Variants in LAMA3 observed in about 807,000 individuals in gnomAD.
The protein encoded by LAMA3 is laminin subunit alpha-3.
A neutral mutation model predicts 402.0 loss-of-function variants in LAMA3; 281 were observed. That is an observed-to-expected ratio of 0.70 (90% CI 0.63 to 0.77). The LOEUF (loss-of-function observed/expected upper bound fraction) is 0.77. Among genes scored for constraint, LAMA3 ranks in the 30% least tolerant of loss-of-function variants. The probability of loss-of-function intolerance (pLI) is 0.00; values close to 1 mark genes in which losing one functional copy is unlikely to be tolerated. For synonymous variants in LAMA3, 1,431 were observed against 1,558.4 expected (o/e 0.92, Z 1.93); for missense variants, 3,840 against 4,215.5 (o/e 0.91, Z 2.47).
chr18:23,920,009 G>A (rs1348163720), intron 60 of LAMA3, among the ~76,000 whole-genome samples: 1 of 152,098 alleles, frequency 6.6e-6, no homozygotes, highest in Non-Finnish European at 1.5e-5. Flanking sequence ...GGATGGGAGA[G>A]AAGGAAGGAT....
intron 14 of LAMA3, 94 bp from the exon 15 acceptor site, chr18:23,814,309 A>C (rs903774656): frequency 1.0e-6 from 1 of 974,490 alleles, no homozygotes; most frequent in Non-Finnish European, 1.7e-6. Context: ...TCATGACCAA[A>C]ATATGTTTCT....
intron 1 of LAMA3, among the ~76,000 whole-genome samples, chr18:23,695,628 C>A (rs1013762876): frequency 6.6e-6 from 1 of 151,252 alleles, no homozygotes; most frequent in Admixed American, 6.6e-5. Context: ...TTAAAACCAG[C>A]CTGGCCAAAT....
chr18:23,877,941 C>T (rs984974159), intron 39 of LAMA3, among the ~76,000 whole-genome samples: 35 of 151,936 alleles, frequency 2.3e-4, no homozygotes, highest in African/African-American at 8.0e-4. Context: ...GAAACCCTGT[C>T]TCTACTAAAA....
At chr18:23,712,558 C>A (rs1040451992) in intron 1 of LAMA3, among the ~76,000 whole-genome samples, 2 of 150,396 alleles carry the variant, frequency 1.3e-5, no homozygotes, top group African/African-American at 4.9e-5. Context: ...CATATGGCCT[C>A]CGACCTCAGG....
chr18:23,804,304 A>G lies in LAMA3; in HGVS notation c.1604-6062A>G, dbSNP rs573473469. ...CTTAAAAGCACCATTAGATCTGCTC[A>G]GTCATATGCTTTAAGTGGCAGAACA... On this transcript the variant is annotated intron_variant, in intron 12 of 74. Coordinates refer to ENST00000313654, the MANE Select transcript of LAMA3 (RefSeq NM_198129.4). Among the ~76,000 whole-genome samples the G allele has an allele frequency of 1.3e-4, 20 of 152,328 alleles. No individual in the cohort carries two copies. In the East Asian group the frequency reaches 3.9e-3, roughly 29 times the overall value.
intron 10 of LAMA3, 144 bp from the exon 11 acceptor site, chr18:23,777,413 C>A (rs1006072504): frequency 3.0e-6 from 2 of 658,420 alleles, no homozygotes; most frequent in African/African-American, 3.6e-5. Flanking sequence ...TGAGATATAG[C>A]AATATCGCCT....
At chr18:23,714,338 G>A (rs1269791571) in intron 2 of LAMA3, among the ~76,000 whole-genome samples, 1 of 152,072 alleles carries the variant, frequency 6.6e-6, no homozygotes, top group Non-Finnish European at 1.5e-5. Context: ...TGATCAACAT[G>A]GTGAAACCCC....
At chr18:23,900,093 CAG>C (rs2081019795) in intron 47 of LAMA3, among the ~76,000 whole-genome samples, 1 of 147,810 alleles carries the variant, frequency 6.8e-6, no homozygotes, top group Non-Finnish European at 1.5e-5. Context: ...GTGTATGTGA[CAG>C]AGTCTCACTC....
In LAMA3 at chr18:23,914,574, TTGAC is replaced by T. The variant is rs1264786730; in HGVS notation, c.7481+16_7481+19del. The T allele has an allele frequency of 6.2e-7, 1 of 1,613,308 alleles. No homozygotes were observed. Among genetic ancestry groups the T allele is most frequent in the Non-Finnish European group, 8.5e-7 (1 of 1,179,344 alleles). On this transcript the variant is annotated intron_variant, in intron 57 of 74. Coordinates refer to ENST00000313654, the MANE Select transcript of LAMA3 (RefSeq NM_198129.4). The stretch of plus-strand genomic sequence containing the variant: ...TGAAATTTCAGAGGTACAAGTCTGA[TTGAC>T]TGTACCTGTGCTCACCAAACTTCCA...
intron 55 of LAMA3, among the ~76,000 whole-genome samples, chr18:23,911,868 A>G (rs1273770079): frequency 2.0e-5 from 3 of 146,642 alleles, no homozygotes; most frequent in Non-Finnish European, 4.5e-5. Flanking sequence ...TTTATATATT[A>G]AATAAAATTA....
At chr18:23,905,329 C>T (rs753078481) in intron 51 of LAMA3, among the ~76,000 whole-genome samples, 193 bp from the exon 52 acceptor site, 1 of 152,078 alleles carries the variant, frequency 6.6e-6, no homozygotes, top group Non-Finnish European at 1.5e-5. Context: ...GCCCACCTCC[C>T]CAAGCCACAT....
At chr18:23,824,318 C>G (rs755242688) in intron 20 of LAMA3, 105 bp from the exon 21 acceptor site, 13 of 1,186,398 alleles carry the variant, frequency 1.1e-5, no homozygotes, top group African/African-American at 3.0e-5. Context: ...TACATATCAT[C>G]TTAAACTTTT....
intron 69 of LAMA3, among the ~76,000 whole-genome samples, chr18:23,944,804 A>C (rs759112708): frequency 6.6e-6 from 1 of 152,206 alleles, no homozygotes; most frequent in Non-Finnish European, 1.5e-5. Context: ...CCGACTTTGG[A>C]CTTTATTTGA....
intron 34 of LAMA3, 132 bp downstream of exon 34, chr18:23,858,961 G>T: frequency 1.1e-6 from 1 of 918,494 alleles, no homozygotes; most frequent in Non-Finnish European, 1.8e-6. Flanking sequence ...TTGTTTGCTC[G>T]AATGCCATGT....
At chr18:23,890,229 C>G in intron 42 of LAMA3, 112 bp downstream of exon 42, 1 of 761,288 alleles carries the variant, frequency 1.3e-6, no homozygotes, top group East Asian at 2.6e-5. Flanking sequence ...TTCCAGCCAG[C>G]AAGCTGTCCC....
At chr18:23,896,404 G>A (rs1245911526) in intron 44 of LAMA3, among the ~76,000 whole-genome samples, 4 of 152,132 alleles carry the variant, frequency 2.6e-5, no homozygotes, top group Non-Finnish European at 5.9e-5. Flanking sequence ...CAAATTGGGG[G>A]ATTTTCCAGA....
At chr18:23,849,610 A>G (rs1159868188) in intron 32 of LAMA3, among the ~76,000 whole-genome samples, 1 of 152,246 alleles carries the variant, frequency 6.6e-6, no homozygotes, top group Non-Finnish European at 1.5e-5. Flanking sequence ...CCAGAAGGTG[A>G]TGGATGGATT....
intron 6 of LAMA3, among the ~76,000 whole-genome samples, chr18:23,755,058 T>C (rs945622402): frequency 1.3e-5 from 2 of 152,228 alleles, no homozygotes; most frequent in Admixed American, 1.3e-4. Flanking sequence ...GATTAAACTT[T>C]AGTGGAAAAT....
rs1177451993 is a variant in LAMA3 at position 23,911,898 on chromosome 18, ATATAAT to A, written c.7159-808_7159-803del. Among the ~76,000 whole-genome samples, 5 of 146,214 alleles carry A rather than the reference ATATAAT, an allele frequency of 3.4e-5. No individual in the cohort carries two copies. In the Admixed American group the frequency reaches 3.4e-4, roughly 10 times the overall value. On this transcript the variant is annotated intron_variant, in intron 55 of 74. Coordinates refer to ENST00000313654, the MANE Select transcript of LAMA3 (RefSeq NM_198129.4). The stretch of plus-strand genomic sequence containing the variant: ...AAATTATATATTACATACAATGTAC[ATATAAT>A]TATATATGCATTTTAATATAATATA...
Sources: gnomAD v4.1 joint callset for allele counts (sites outside exome capture counted in the v4.1 genomes callset) on GRCh38, gnomAD v4.1.1 for gene constraint, MANE v1.5 for transcripts, NCBI Gene and HGNC (gene_info 2026-07-23, HGNC 2026-07-21) for gene names.